Variants in USP34 observed in about 807,000 individuals in gnomAD.
The protein encoded by USP34 is ubiquitin carboxyl-terminal hydrolase 34.
USP34 carries 70 observed loss-of-function variants against 460.3 expected under a neutral mutation model. That is an observed-to-expected ratio of 0.15 (90% CI 0.13 to 0.19). USP34 has a LOEUF of 0.19. Ranked by LOEUF, USP34 falls within the 10% of genes least tolerant of loss-of-function variation. The pLI is 1.00. For missense variants in USP34, 3,985 were observed against 4,236.2 expected, an observed-to-expected ratio of 0.94 and a Z score of 1.65; for synonymous variants, 1,647 against 1,405.3, an observed-to-expected ratio of 1.17 and a Z score of -3.85.
chr2:61,206,963 C>T, intron 70 of USP34, 77 bp from the exon 71 acceptor site: 17 of 1,462,782 alleles, frequency 1.2e-5, no homozygotes, highest in Non-Finnish European at 1.5e-5. Flanking sequence ...TACTCGTCCT[C>T]TACGATAGAT....
At chr2:61,296,350 T>C (rs892966164) in intron 30 of USP34, among the ~76,000 whole-genome samples, 2 of 152,260 alleles carry the variant, frequency 1.3e-5, no homozygotes, top group South Asian at 2.1e-4. Flanking sequence ...GTGGTGTCCA[T>C]ATGGAAAAAA....
chr2:61,243,375 G>T (rs1405495168), intron 51 of USP34, among the ~76,000 whole-genome samples: 1 of 151,738 alleles, frequency 6.6e-6, no homozygotes, highest in Non-Finnish European at 1.5e-5. Context: ...TTGAACTCCT[G>T]ACCTCAGGTG....
chr2:61,367,398 T>C (rs1279137511), intron 10 of USP34, among the ~76,000 whole-genome samples: 1 of 152,204 alleles, frequency 6.6e-6, no homozygotes. Context: ...AAGGCTCACT[T>C]GAGCCCAGAA....
At chr2:61,263,987 G>C (rs969933160) in intron 43 of USP34, among the ~76,000 whole-genome samples, 1 of 152,120 alleles carries the variant, frequency 6.6e-6, no homozygotes, top group African/African-American at 2.4e-5. Flanking sequence ...TTTAAAGGTG[G>C]TTATCAATAT....
At chr2:61,280,750 AAAG>A (rs1689510479) in intron 38 of USP34, among the ~76,000 whole-genome samples, 1 of 152,196 alleles carries the variant, frequency 6.6e-6, no homozygotes, top group Non-Finnish European at 1.5e-5. Context: ...ATAAAGATAA[AAAG>A]AAAACTGTGA....
At chr2:61,413,929 CA>C (rs1481995437) in intron 2 of USP34, among the ~76,000 whole-genome samples, 1 of 143,302 alleles carries the variant, frequency 7.0e-6, no homozygotes, top group Non-Finnish European at 1.5e-5. Flanking sequence ...GACTCAGTCT[CA>C]AAAAAATTAA....
intron 2 of USP34, among the ~76,000 whole-genome samples, chr2:61,410,129 C>T (rs1454174599): frequency 2.0e-5 from 3 of 152,194 alleles, no homozygotes; most frequent in South Asian, 2.1e-4. Flanking sequence ...AAACACATTA[C>T]ATCTATTGTG....
At chr2:61,470,212 AAG>A (rs1399408774) in intron 1 of USP34, among the ~76,000 whole-genome samples, 1 of 152,198 alleles carries the variant, frequency 6.6e-6, no homozygotes, top group Admixed American at 6.5e-5. Context: ...ATTAGCAGGT[AAG>A]AGAGGCCTCG....
At chr2:61,284,739 G>T in intron 35 of USP34, 136 bp downstream of exon 35, 2 of 602,338 alleles carry the variant, frequency 3.3e-6, no homozygotes, top group Non-Finnish European at 5.6e-6. Context: ...ACGTAAATTT[G>T]GATGGAAGGT....
At chr2:61,372,104 C>T (rs937580885) in intron 8 of USP34, among the ~76,000 whole-genome samples, 1 of 151,652 alleles carries the variant, frequency 6.6e-6, no homozygotes, top group Non-Finnish European at 1.5e-5. Flanking sequence ...TAAAAGGTCC[C>T]CAATTTTTTC....
chr2:61,421,457 C>T (rs555425006), intron 1 of USP34, among the ~76,000 whole-genome samples: 3 of 152,290 alleles, frequency 2.0e-5, no homozygotes, highest in African/African-American at 7.2e-5. Flanking sequence ...CATAACCATT[C>T]TTATAATTCC....
At chr2:61,298,810 G>A (rs574382125) in intron 29 of USP34, among the ~76,000 whole-genome samples, 5 of 151,388 alleles carry the variant, frequency 3.3e-5, no homozygotes, top group South Asian at 2.1e-4. Context: ...GTCCTTTTGC[G>A]ATACAAGTTA....
At chr2:61,448,232 G>C (rs1476479087) in intron 1 of USP34, among the ~76,000 whole-genome samples, 1 of 152,220 alleles carries the variant, frequency 6.6e-6, no homozygotes, top group Non-Finnish European at 1.5e-5. Context: ...CCAGTACTTT[G>C]GGCGGCCAAG....
At chr2:61,321,249 G>A (rs918710108) in intron 21 of USP34, among the ~76,000 whole-genome samples, 1 of 151,936 alleles carries the variant, frequency 6.6e-6, no homozygotes, top group Non-Finnish European at 1.5e-5. Flanking sequence ...GAGGCAGGCA[G>A]ATCATGAGGT....
chr2:61,365,085 C>T (rs1361778921), intron 10 of USP34, among the ~76,000 whole-genome samples: 3 of 151,974 alleles, frequency 2.0e-5, no homozygotes, highest in African/African-American at 7.3e-5. Flanking sequence ...AATCCCGTCT[C>T]TACTAAAACT....
chr2:61,280,485 T>G (rs977092896), intron 38 of USP34, 137 bp from the exon 39 acceptor site: 1 of 413,388 alleles, frequency 2.4e-6, no homozygotes, highest in Non-Finnish European at 4.2e-6. Context: ...AAAAATGGAG[T>G]ACACGCTTAG....
At chr2:61,406,295 A>T (rs1339577875) in intron 2 of USP34, among the ~76,000 whole-genome samples, 167 bp from the exon 3 acceptor site, 3 of 152,216 alleles carry the variant, frequency 2.0e-5, no homozygotes, top group Admixed American at 2.0e-4. Context: ...TCGCAACAAC[A>T]ACTGATATTT....
Position 61,248,702 on chromosome 2 carries a change from A to G in USP34, c.6222-19T>C. ...ACATGCCCTGAGAGACAAGAAAAAA[A>G]TTAATAAAGATTATTTTTTACAAAT... On this transcript the variant is annotated intron_variant, in intron 48 of 79. Coordinates refer to ENST00000398571, the MANE Select transcript of USP34 (RefSeq NM_014709.4). 6.5e-7 allele frequency: 1 copy of G among 1,529,664 alleles called. No homozygotes were observed. Among genetic ancestry groups the G allele is most frequent in the Non-Finnish European group, 8.8e-7 (1 of 1,135,152 alleles). The allele number at this position is 1,529,664 out of a possible 1,614,324, so 94.8% of individuals were successfully genotyped here. A position where few individuals can be genotyped will look rare whatever the true frequency, so the allele number is the denominator to read the frequency against.
rs199678656 is a variant in USP34 at position 61,339,725 on chromosome 2, G to A, written c.2501-44C>T. 3.8e-5 allele frequency: 41 copies of A among 1,075,952 alleles called. No individual in the cohort carries two copies. The Admixed American group carries it at 1.1e-3, about 28-fold the overall frequency. 66.7% of individuals were successfully genotyped at this position (1,075,952 alleles called of 1,614,324 possible). ...AAAAGACACACTATAGAGAAATGCAGCTGACTGATTATAGCATTCATATGG... is the reference window on the plus strand; with the variant it reads ...AAAAGACACACTATAGAGAAATGCAACTGACTGATTATAGCATTCATATGG... On this transcript the variant is annotated intron_variant, in intron 16 of 79. Coordinates refer to ENST00000398571, the MANE Select transcript of USP34 (RefSeq NM_014709.4).
Sources: allele counts gnomAD v4.1 joint callset (sites outside exome capture counted in the v4.1 genomes callset), GRCh38; gene constraint gnomAD v4.1.1; transcripts MANE v1.5; gene names NCBI Gene and HGNC (gene_info 2026-07-23, HGNC 2026-07-21).